Variants in ZNF429 observed in about 807,000 individuals in gnomAD.
ZNF429 encodes zinc finger protein 429.
Under a neutral mutation model 56.8 loss-of-function variants are expected in ZNF429, and 53 were observed. The observed-to-expected ratio is 0.93, with a 90% CI of 0.75 to 1.17. ZNF429 has a LOEUF of 1.17. Ranked by LOEUF, ZNF429 falls within the 50% of genes most tolerant of loss-of-function variation. ZNF429 has a pLI of 0.00. For synonymous variants in ZNF429, 278 were observed against 264.7 expected, an observed-to-expected ratio of 1.05 and a Z score of -0.49; for missense variants, 849 against 788.4, an observed-to-expected ratio of 1.08 and a Z score of -0.92.
At chr19:21,522,820 C>G (rs1006086089) in intron 1 of ZNF429, among the ~76,000 whole-genome samples, 3 of 151,826 alleles carry the variant, frequency 2.0e-5, no homozygotes, top group Admixed American at 6.6e-5. Flanking sequence ...TGCTTGAACC[C>G]AGGAGGCAGA....
At chr19:21,529,042 T>G (rs1476616390) in intron 1 of ZNF429, 1 of 152,242 alleles carries the variant, frequency 6.6e-6, no homozygotes, top group Non-Finnish European at 1.5e-5. Context: ...TCTTTGCATA[T>G]ATCTGTCTTT....
chr19:21,533,840 G>A, intron 3 of ZNF429, among the ~76,000 whole-genome samples: 1 of 151,986 alleles, frequency 6.6e-6, no homozygotes, highest in Non-Finnish European at 1.5e-5. Flanking sequence ...ATTTTTAGTA[G>A]AGATGGGGTT....
chr19:21,525,041 A>G (rs769226136), intron 1 of ZNF429, among the ~76,000 whole-genome samples: 3 of 152,166 alleles, frequency 2.0e-5, no homozygotes, highest in Non-Finnish European at 2.9e-5. Context: ...GGTTTAGACT[A>G]TCAACTGGAT....
intron 1 of ZNF429, 71 bp downstream of exon 1, chr19:21,505,845 CG>C: frequency 6.5e-7 from 1 of 1,550,140 alleles, no homozygotes; most frequent in Non-Finnish European, 8.8e-7. Context: ...GTGGCCGTGG[CG>C]GACTTAGGTC....
chr19:21,509,389 G>A (rs2032345747), intron 1 of ZNF429, among the ~76,000 whole-genome samples: 1 of 152,162 alleles, frequency 6.6e-6, no homozygotes, highest in Non-Finnish European at 1.5e-5. Context: ...TGAAATGTAA[G>A]CATTGTAAAA....
At position 21,529,804 on chromosome 19, in the gene ZNF429, A is replaced by G; in HGVS notation, c.130+20A>G. 1 of 1,438,644 alleles carries G rather than the reference A, an allele frequency of 7.0e-7. No homozygotes were observed. The highest frequency in any genetic ancestry group is 9.5e-7 in the Non-Finnish European group (1 of 1,054,420). The allele number at this position is 1,438,644 out of a possible 1,614,324, so 89.1% of individuals were successfully genotyped here. A position where few individuals can be genotyped will look rare whatever the true frequency, so the allele number is the denominator to read the frequency against. On this transcript the variant is annotated intron_variant, in intron 2 of 3. Transcript: ENST00000358491. ...TCCTGGGTGAGAATAACTTCAATACAACATTCCTAATATACCCTAAATGTT... is the reference window on the plus strand; with the variant it reads ...TCCTGGGTGAGAATAACTTCAATACGACATTCCTAATATACCCTAAATGTT...
At chr19:21,527,902 G>C (rs970974677) in intron 1 of ZNF429, among the ~76,000 whole-genome samples, 1 of 152,252 alleles carries the variant, frequency 6.6e-6, no homozygotes, top group Non-Finnish European at 1.5e-5. Flanking sequence ...CAGATCAAGA[G>C]CTGTGTCCAC....
At chr19:21,523,214 C>T (rs1348217616) in intron 1 of ZNF429, among the ~76,000 whole-genome samples, 1 of 152,216 alleles carries the variant, frequency 6.6e-6, no homozygotes, top group African/African-American at 2.4e-5. Context: ...GCTACTGCTA[C>T]TCCACCTATT....
At chr19:21,516,131 C>A (rs1179401596) in intron 1 of ZNF429, among the ~76,000 whole-genome samples, 1 of 152,012 alleles carries the variant, frequency 6.6e-6, no homozygotes. Flanking sequence ...TGCAGTGGAG[C>A]AATCTTGGCT....
chr19:21,513,399 C>A (rs1322118879), intron 1 of ZNF429, among the ~76,000 whole-genome samples: 2 of 152,098 alleles, frequency 1.3e-5, no homozygotes, highest in Non-Finnish European at 2.9e-5. Flanking sequence ...CTGAGTAGCT[C>A]TGTCCAATTA....
intron 1 of ZNF429, among the ~76,000 whole-genome samples, chr19:21,516,686 T>A (rs930113364): frequency 6.6e-6 from 1 of 152,216 alleles, no homozygotes; most frequent in Non-Finnish European, 1.5e-5. Context: ...TTCTAGATAT[T>A]CTATTCTTTT....
chr19:21,527,198 A>G (rs1322990642), intron 1 of ZNF429, among the ~76,000 whole-genome samples: 2 of 152,132 alleles, frequency 1.3e-5, no homozygotes, highest in African/African-American at 4.8e-5. Flanking sequence ...GACTTGTTTA[A>G]AACACTCATT....
chr19:21,531,121 A>AAAT, intron 3 of ZNF429, among the ~76,000 whole-genome samples: 1 of 104,888 alleles, frequency 9.5e-6, no homozygotes, highest in Non-Finnish European at 1.9e-5. Flanking sequence ...AAAAAAAAAA[A>AAAT]AAAAAAAACC....
At chr19:21,531,108 AAAAAAAAAAAAAAAAAAAAAACC>A in intron 3 of ZNF429, among the ~76,000 whole-genome samples, 1 of 83,962 alleles carries the variant, frequency 1.2e-5, no homozygotes, top group Non-Finnish European at 2.2e-5. Flanking sequence ...CTCCATCTCA[AAAAAAAAAAAAAAAAAAAAAACC>A]AAAAAAAAAA....
intron 3 of ZNF429, among the ~76,000 whole-genome samples, chr19:21,532,698 ATTT>A: frequency 9.0e-5 from 13 of 144,282 alleles, no homozygotes; most frequent in Non-Finnish European, 7.6e-5. Context: ...ATGTGAGAGG[ATTT>A]TTTTTTTTTT....
In ZNF429 at chr19:21,536,473, C is replaced by G; in HGVS notation, c.420C>G (p.Thr140=). 6.2e-7 allele frequency: 1 copy of G among 1,613,242 alleles called. No homozygotes were observed. Among genetic ancestry groups the G allele is most frequent in the Non-Finnish European group, 8.5e-7 (1 of 1,179,696 alleles). The change falls in exon 4 of 4, where the codon ACC becomes ACG. Residue 140 remains threonine, a synonymous_variant. Transcript: ENST00000358491. The part of the protein sequence containing the change: ...YNGLNQCLTL[T]QSKMYHCDIY... ...GACTTAACCAATGTTTGACACTTAC[C>G]CAGAGCAAAATGTATCACTGTGATA...
In ZNF429 at chr19:21,530,618, A is replaced by G. The variant is rs751484360; in HGVS notation, c.160A>G (p.Thr54Ala). The G allele has an allele frequency of 1.2e-6, 2 of 1,611,144 alleles. No individual in the cohort carries two copies. The highest frequency in any genetic ancestry group is 1.7e-6 in the Non-Finnish European group (2 of 1,178,810). Residue 54 changes from threonine (T) to alanine (A), a missense_variant, in exon 3 of 4, where the codon ACT (threonine) becomes GCT (alanine). Thr to Ala is a moderately conservative substitution (Grantham distance 58). Transcript: ENST00000358491. ...TGCTGTTTCTAAGCCAGACCTAATC[A>G]CTTGTCTAGAGAAAGAAAAAGAACC... ...GIAVSKPDLITCLEKEKEPCK... is the reference protein window; with the variant it reads ...GIAVSKPDLIACLEKEKEPCK...
intron 1 of ZNF429, chr19:21,521,899 C>CA (rs1434939214): frequency 6.6e-6 from 1 of 152,296 alleles, no homozygotes; most frequent in African/African-American, 2.4e-5. Flanking sequence ...TCATGCAGCT[C>CA]AGGCTTTACT....
At chr19:21,517,397 TC>T (rs1402864821) in intron 1 of ZNF429, among the ~76,000 whole-genome samples, 3 of 152,184 alleles carry the variant, frequency 2.0e-5, no homozygotes, top group African/African-American at 7.2e-5. Flanking sequence ...GCCTGAGTTT[TC>T]TTTTTTTTGT....
Sources: gnomAD v4.1 joint callset for allele counts (sites outside exome capture counted in the v4.1 genomes callset) on GRCh38, gnomAD v4.1.1 for gene constraint, MANE v1.5 for transcripts, NCBI Gene and HGNC (gene_info 2026-07-23, HGNC 2026-07-21) for gene names.